Variants in ERBB4 observed in about 807,000 individuals in gnomAD.
ERBB4 encodes the protein erb-b2 receptor tyrosine kinase 4.
ERBB4 carries 42 observed loss-of-function variants against 158.0 expected under a neutral mutation model. That is an observed-to-expected ratio of 0.27 (90% CI 0.21 to 0.34). ERBB4 has a LOEUF of 0.34. Ranked by LOEUF, ERBB4 falls within the 10% of genes least tolerant of loss-of-function variation. The pLI, the probability that ERBB4 is intolerant of heterozygous loss-of-function variation, is 1.00. For missense variants in ERBB4, 1,333 were observed against 1,624.1 expected, an observed-to-expected ratio of 0.82 and a Z score of 3.08; for synonymous variants, 583 against 558.7, an observed-to-expected ratio of 1.04 and a Z score of -0.61.
At chr2:212,008,243 T>A (rs1243649461) in intron 2 of ERBB4, among the ~76,000 whole-genome samples, 1 of 152,088 alleles carries the variant, frequency 6.6e-6, no homozygotes, top group Non-Finnish European at 1.5e-5. Flanking sequence ...CAAATTATGA[T>A]ACATCTCGAG....
intron 2 of ERBB4, among the ~76,000 whole-genome samples, chr2:212,071,377 T>TCA (rs2078113357): frequency 6.6e-6 from 1 of 150,666 alleles, no homozygotes. Context: ...TGGGACACTA[T>TCA]ATGCAAAGAG....
intron 2 of ERBB4, among the ~76,000 whole-genome samples, chr2:211,974,791 A>G (rs2081557646): frequency 6.6e-6 from 1 of 152,206 alleles, no homozygotes; most frequent in African/African-American, 2.4e-5. Context: ...TTTTCTCATC[A>G]TAGAAAAATA....
intron 3 of ERBB4, among the ~76,000 whole-genome samples, chr2:211,820,234 C>A (rs538336003): frequency 1.3e-5 from 2 of 151,938 alleles, no homozygotes; most frequent in South Asian, 4.1e-4. Flanking sequence ...ACAGCAGCAA[C>A]AACTGAGAAT....
chr2:211,787,631 A>C (rs1393724008), intron 4 of ERBB4, among the ~76,000 whole-genome samples: 2 of 152,190 alleles, frequency 1.3e-5, no homozygotes, highest in Admixed American at 1.3e-4. Context: ...TATTGAAAAA[A>C]TTATAGTGAA....
chr2:212,225,106 T>C lies in ERBB4; in HGVS notation c.83-100203A>G, dbSNP rs185498689. ...CTTTTAGAAGTTATATGAAAGTTTT[T>C]ATGTCCCCTTTTTCCTCCTAGGATT... On this transcript the variant is annotated intron_variant, in intron 1 of 27. Coordinates refer to ENST00000342788, the MANE Select transcript of ERBB4 (RefSeq NM_005235.3). Among the ~76,000 whole-genome samples, 600 of 152,070 alleles carry C rather than the reference T, an allele frequency of 3.9e-3. 2 individuals carry two copies. The highest frequency in any genetic ancestry group is 5.8e-3 in the Admixed American group (89 of 15,232).
At chr2:212,195,992 G>C (rs187961746) in intron 1 of ERBB4, among the ~76,000 whole-genome samples, 3 of 152,106 alleles carry the variant, frequency 2.0e-5, no homozygotes, top group African/African-American at 4.8e-5. Context: ...AAATTATGTA[G>C]ACACATGTCA....
At chr2:212,467,492 T>C (rs2106102071) in intron 1 of ERBB4, among the ~76,000 whole-genome samples, 1 of 152,348 alleles carries the variant, frequency 6.6e-6, no homozygotes, top group African/African-American at 2.4e-5. Flanking sequence ...GCTCAGGCTG[T>C]GACTTCAGAG....
intron 16 of ERBB4, among the ~76,000 whole-genome samples, chr2:211,647,440 C>G (rs1435992798): frequency 6.6e-6 from 1 of 151,610 alleles, no homozygotes; most frequent in African/African-American, 2.4e-5. Flanking sequence ...CATTTAGCAT[C>G]ACTGAATATG....
chr2:212,515,048 A>G (rs1691745443), intron 1 of ERBB4, among the ~76,000 whole-genome samples: 1 of 152,216 alleles, frequency 6.6e-6, no homozygotes, highest in Admixed American at 6.5e-5. Flanking sequence ...ATATAATAGG[A>G]AATATAAAAT....
At chr2:211,581,927 T>C (rs2068118051) in intron 19 of ERBB4, among the ~76,000 whole-genome samples, 1 of 152,094 alleles carries the variant, frequency 6.6e-6, no homozygotes, top group Non-Finnish European at 1.5e-5. Flanking sequence ...GGAGAATCAC[T>C]TGAACCCAGG....
At position 211,384,066 on chromosome 2, in the gene ERBB4, G is replaced by A. The variant is rs1300485102; in HGVS notation, c.3482-6C>T. On this transcript the variant is annotated splice_polypyrimidine_tract_variant and splice_region_variant and intron_variant, in intron 27 of 27. Transcript: ENST00000342788. Reference sequence around the variant, plus strand: ...CTCCACTGGATTCAGGTATTCTAAAGGAATAAAAAAATATCAGCTAACCTC... The same window carrying A: ...CTCCACTGGATTCAGGTATTCTAAAAGAATAAAAAAATATCAGCTAACCTC... 3 of 1,605,388 alleles carry A rather than the reference G, an allele frequency of 1.9e-6. No homozygotes were observed. Among genetic ancestry groups the A allele is most frequent in the Non-Finnish European group, 2.6e-6 (3 of 1,172,616 alleles).
intron 1 of ERBB4, among the ~76,000 whole-genome samples, chr2:212,168,111 A>G (rs1364242851): frequency 1.3e-5 from 2 of 151,644 alleles, no homozygotes; most frequent in African/African-American, 2.4e-5. Context: ...TTAAATCTCT[A>G]TTGTTGGAAA....
intron 20 of ERBB4, among the ~76,000 whole-genome samples, chr2:211,553,161 G>C (rs544467524): frequency 6.6e-6 from 1 of 151,916 alleles, no homozygotes; most frequent in South Asian, 2.1e-4. Context: ...TAGAGACGGG[G>C]TTTCACCGTG....
chr2:212,373,548 T>G (rs2090156875), intron 1 of ERBB4, among the ~76,000 whole-genome samples: 1 of 151,658 alleles, frequency 6.6e-6, no homozygotes, highest in Non-Finnish European at 1.5e-5. Context: ...GCAAAGTAAT[T>G]AATAATGAAA....
chr2:211,905,166 T>G (rs1036107990), intron 3 of ERBB4, among the ~76,000 whole-genome samples: 1 of 152,082 alleles, frequency 6.6e-6, no homozygotes, highest in African/African-American at 2.4e-5. Context: ...CTAGCAGGGT[T>G]AGCAGGGTTC....
chr2:211,652,090 A>G (rs1177314499), intron 16 of ERBB4, among the ~76,000 whole-genome samples: 1 of 152,216 alleles, frequency 6.6e-6, no homozygotes, highest in African/African-American at 2.4e-5. Flanking sequence ...GGTAAAAGCC[A>G]CTTTTGCAAC....
At chr2:212,038,423 C>T (rs1441996251) in intron 2 of ERBB4, among the ~76,000 whole-genome samples, 1 of 152,078 alleles carries the variant, frequency 6.6e-6, no homozygotes, top group Non-Finnish European at 1.5e-5. Flanking sequence ...AGGTATCCAG[C>T]TGCACTCTAC....
At chr2:211,506,689 A>T (rs896357267) in intron 20 of ERBB4, among the ~76,000 whole-genome samples, 5 of 150,484 alleles carry the variant, frequency 3.3e-5, no homozygotes, top group South Asian at 2.1e-4. Flanking sequence ...AGCAGAAATT[A>T]AAAAAATTGA....
At chr2:212,092,246 G>T (rs1439526038) in intron 2 of ERBB4, among the ~76,000 whole-genome samples, 2 of 152,138 alleles carry the variant, frequency 1.3e-5, no homozygotes, top group East Asian at 3.8e-4. Context: ...TAGAATTGTA[G>T]AACAGGATAG....
Sources: gnomAD v4.1 joint callset for allele counts (sites outside exome capture counted in the v4.1 genomes callset) on GRCh38, gnomAD v4.1.1 for gene constraint, MANE v1.5 for transcripts, NCBI Gene and HGNC (gene_info 2026-07-23, HGNC 2026-07-21) for gene names.